ZSCAN25: variants seen among roughly 807,000 people sequenced by gnomAD.
The protein encoded by ZSCAN25 is zinc finger and SCAN domain-containing protein 25.
Under a neutral mutation model 38.7 loss-of-function variants are expected in ZSCAN25, and 27 were observed. That is an observed-to-expected ratio of 0.70 (90% confidence interval 0.51 to 0.96). ZSCAN25 has a LOEUF of 0.96. ZSCAN25 is among the 40% of genes least tolerant of loss of function. The probability of loss-of-function intolerance (pLI) is 0.00; values close to 1 mark genes in which losing one functional copy is unlikely to be tolerated. For missense variants in ZSCAN25, 637 were observed against 705.9 expected (o/e 0.90, Z 1.11); for synonymous variants, 273 against 277.7 (o/e 0.98, Z 0.17).
the ZSCAN25 span, chr7:99,695,714 A>G: frequency 6.3e-7 from 1 of 1,578,894 alleles, no homozygotes; most frequent in Non-Finnish European, 8.7e-7. Context: ...TCCAATCATA[A>G]GAAGCCAAAG....
the ZSCAN25 span, chr7:99,699,880 C>T: frequency 1.1e-6 from 1 of 890,338 alleles, no homozygotes; most frequent in Non-Finnish European, 1.9e-6. Flanking sequence ...CTCTTTTGAT[C>T]TTTAAAACAG....
chr7:99,672,087 G>T, the ZSCAN25 span, among the ~76,000 whole-genome samples: 16 of 151,620 alleles, frequency 1.1e-4, no homozygotes, highest in African/African-American at 3.9e-4. Context: ...AGTCTCATTG[G>T]GTTGCCCAGA....
chr7:99,652,436 A>G, the ZSCAN25 span: 1 of 727,776 alleles, frequency 1.4e-6, no homozygotes, highest in Non-Finnish European at 2.2e-6. Context: ...TTTGTGATAA[A>G]AAGACTTACA....
At chr7:99,705,558 G>C in the ZSCAN25 span, 5 of 1,613,496 alleles carry the variant, frequency 3.1e-6, no homozygotes, top group African/African-American at 6.7e-5. Flanking sequence ...GGGTTTTTCT[G>C]TTAGAAGAAG....
chr7:99,686,844 C>T, the ZSCAN25 span, among the ~76,000 whole-genome samples: 2 of 152,156 alleles, frequency 1.3e-5, no homozygotes. Context: ...GCAGCATTTG[C>T]AGGTCACCAA....
chr7:99,699,485 A>C, the ZSCAN25 span, among the ~76,000 whole-genome samples: 1 of 152,108 alleles, frequency 6.6e-6, no homozygotes, highest in Non-Finnish European at 1.5e-5. Context: ...AGGAACCACC[A>C]GGTCCACAGA....
the ZSCAN25 span, chr7:99,648,269 T>TA: frequency 2.5e-6 from 4 of 1,599,208 alleles, no homozygotes; most frequent in Non-Finnish European, 3.4e-6. Flanking sequence ...GGGGCACAGC[T>TA]TTCTTGAAGA....
the ZSCAN25 span, among the ~76,000 whole-genome samples, chr7:99,657,411 C>T: frequency 6.6e-6 from 1 of 152,164 alleles, no homozygotes; most frequent in Non-Finnish European, 1.5e-5. Flanking sequence ...GTTTCTGAAT[C>T]CTGAGTTCTA....
chr7:99,663,728 T>G, the ZSCAN25 span: 1 of 1,130,856 alleles, frequency 8.8e-7, no homozygotes, highest in Non-Finnish European at 1.1e-6. Flanking sequence ...ATCTCAATAC[T>G]GTTTATATCA....
At chr7:99,687,893 A>AACC in the ZSCAN25 span, among the ~76,000 whole-genome samples, 1 of 152,258 alleles carries the variant, frequency 6.6e-6, no homozygotes, top group African/African-American at 2.4e-5. Context: ...AAGAATTTTC[A>AACC]ACCCAGAATC....
chr7:99,626,736 C>A (rs1219611363), intron 7 of ZSCAN25, among the ~76,000 whole-genome samples: 1 of 152,192 alleles, frequency 6.6e-6, no homozygotes, highest in Non-Finnish European at 1.5e-5. Flanking sequence ...GGTACATGGT[C>A]TGGGAGTTAA....
At chr7:99,696,284 G>A in the ZSCAN25 span, among the ~76,000 whole-genome samples, 3 of 149,490 alleles carry the variant, frequency 2.0e-5, no homozygotes, top group South Asian at 6.3e-4. Flanking sequence ...TTGCATCACT[G>A]CATCCACTCA....
chr7:99,720,231 A>G, the ZSCAN25 span: 7 of 1,549,730 alleles, frequency 4.5e-6, no homozygotes, highest in Middle Eastern at 2.3e-4. Context: ...TTTTTAGGCA[A>G]CTGTCTATGA....
the ZSCAN25 span, chr7:99,722,148 T>C: frequency 1.0e-6 from 1 of 966,368 alleles, no homozygotes; most frequent in African/African-American, 1.7e-5. Context: ...CAAATACATA[T>C]CTTCTTCTTT....
the ZSCAN25 span, among the ~76,000 whole-genome samples, chr7:99,734,551 A>G: frequency 5.9e-5 from 9 of 151,964 alleles, no homozygotes; most frequent in Non-Finnish European, 1.3e-4. Flanking sequence ...AACATCCATC[A>G]TAACCTCTAT....
the ZSCAN25 span, among the ~76,000 whole-genome samples, chr7:99,689,263 A>C: frequency 3.3e-5 from 5 of 151,538 alleles, no homozygotes; most frequent in Admixed American, 6.6e-5. Context: ...AATTGATAGA[A>C]CGCTAGCAAG....
chr7:99,710,296 A>G, the ZSCAN25 span, among the ~76,000 whole-genome samples: 1 of 152,338 alleles, frequency 6.6e-6, no homozygotes, highest in South Asian at 2.1e-4. Flanking sequence ...ACCAGTGGTT[A>G]CCTGACTGAA....
the ZSCAN25 span, among the ~76,000 whole-genome samples, chr7:99,723,423 C>A: frequency 3.3e-5 from 5 of 152,190 alleles, no homozygotes; most frequent in African/African-American, 4.8e-5. Flanking sequence ...TGCAACTTTC[C>A]ACTGCTTACC....
At chr7:99,645,719 T>C in the ZSCAN25 span, among the ~76,000 whole-genome samples, 2 of 152,238 alleles carry the variant, frequency 1.3e-5, no homozygotes, top group East Asian at 3.8e-4. Flanking sequence ...TGTTAAGCTT[T>C]TTTTTTATAT....
Sources: allele counts gnomAD v4.1 joint callset (sites outside exome capture counted in the v4.1 genomes callset), GRCh38; gene constraint gnomAD v4.1.1; transcripts MANE v1.5; gene names NCBI Gene and HGNC (gene_info 2026-07-23, HGNC 2026-07-21).